WDHD1: variants seen among roughly 807,000 people sequenced by gnomAD.
WDHD1 encodes the protein WD repeat and HMG-box DNA-binding protein 1.
WDHD1 carries 111 observed loss-of-function variants against 135.4 expected under a neutral mutation model. The ratio of observed to expected loss-of-function variants is 0.82; its 90% CI spans 0.70 to 0.96. The LOEUF (loss-of-function observed/expected upper bound fraction) is 0.96. WDHD1 is among the 40% of genes least tolerant of loss of function. The pLI is 0.00. For missense variants in WDHD1, 1,351 were observed against 1,336.3 expected (o/e 1.01, Z -0.17); for synonymous variants, 434 against 439.0 (o/e 0.99, Z 0.14).
chr14:54,968,141 T>A (rs1390511363), intron 16 of WDHD1, among the ~76,000 whole-genome samples: 2 of 152,312 alleles, frequency 1.3e-5, no homozygotes, highest in South Asian at 2.1e-4. Flanking sequence ...AAATTTTTTT[T>A]AAATTGAAAT....
At chr14:54,967,477 G>T in intron 16 of WDHD1, 83 bp from the exon 17 acceptor site, 1 of 891,586 alleles carries the variant, frequency 1.1e-6, no homozygotes, top group Non-Finnish European at 1.7e-6. Flanking sequence ...TCAAAAGTTA[G>T]TAACTTAGAA....
chr14:54,998,872 G>A (rs1196896399), intron 10 of WDHD1, among the ~76,000 whole-genome samples: 1 of 150,710 alleles, frequency 6.6e-6, no homozygotes, highest in Admixed American at 6.6e-5. Context: ...AAAAATAATA[G>A]CCAACACTTA....
rs2041970160 is a variant in WDHD1 at position 55,000,908 on chromosome 14, C to T, written c.778G>A (p.Glu260Lys). 1.9e-6 allele frequency: 3 copies of T among 1,583,826 alleles called. No individual in the cohort carries two copies. The highest frequency in any genetic ancestry group is 3.6e-5 in the Admixed American group (2 of 56,110). ...TACCTTTCCATGCAGTCTTTGGTTT[C>T]CACATTCCAAACTATGATTAGACCA... ...INGLIIVWNV[E>K]TKDCMERVKH... is the part of the protein sequence containing the mutation. Residue 260 changes from glutamate to lysine, a missense_variant, in exon 9 of 26, where the codon GAA (glutamate) becomes AAA (lysine). Coordinates refer to ENST00000360586, the MANE Select transcript of WDHD1 (RefSeq NM_007086.4).
intron 21 of WDHD1, among the ~76,000 whole-genome samples, chr14:54,958,345 TTGA>T (rs2041195195): frequency 6.6e-6 from 1 of 152,166 alleles, no homozygotes; most frequent in African/African-American, 2.4e-5. Context: ...CAGGCTGGTC[TTGA>T]ACTCCTGACC....
At chr14:54,992,823 G>A (rs1307172020) in intron 11 of WDHD1, among the ~76,000 whole-genome samples, 7 of 152,098 alleles carry the variant, frequency 4.6e-5, no homozygotes, top group African/African-American at 1.7e-4. Flanking sequence ...CTGAGTGGGA[G>A]AACTGCTTAA....
At chr14:54,964,648 A>G (rs921224586) in intron 18 of WDHD1, among the ~76,000 whole-genome samples, 1 of 152,060 alleles carries the variant, frequency 6.6e-6, no homozygotes, top group East Asian at 1.9e-4. Flanking sequence ...CAAAAAAAAA[A>G]AAAGAAATAA....
At chr14:55,005,266 G>A (rs1368600142) in intron 7 of WDHD1, 7 of 540,800 alleles carry the variant, frequency 1.3e-5, no homozygotes, top group Admixed American at 9.7e-5. Context: ...TGGTAGGTAC[G>A]TTAACATAAG....
intron 7 of WDHD1, chr14:55,005,206 G>A: frequency 1.9e-6 from 1 of 540,484 alleles, no homozygotes; most frequent in Admixed American, 1.9e-5. Flanking sequence ...TGTTGCATGG[G>A]ATGGTAGTGT....
chr14:54,986,668 G>A (rs957318298), intron 14 of WDHD1, among the ~76,000 whole-genome samples: 1 of 152,182 alleles, frequency 6.6e-6, no homozygotes, highest in Admixed American at 6.5e-5. Flanking sequence ...GTCATGAGAA[G>A]AAGGTATTTT....
intron 16 of WDHD1, among the ~76,000 whole-genome samples, chr14:54,974,609 T>C (rs1390052217): frequency 2.0e-5 from 3 of 151,782 alleles, no homozygotes; most frequent in Non-Finnish European, 2.9e-5. Flanking sequence ...GCAGATCACC[T>C]GAGCTCTGGA....
At chr14:54,956,186 A>T (rs1316049322) in intron 23 of WDHD1, among the ~76,000 whole-genome samples, 1 of 152,208 alleles carries the variant, frequency 6.6e-6, no homozygotes, top group African/African-American at 2.4e-5. Context: ...AGGACTCAGA[A>T]CAAGGAAAAA....
intron 16 of WDHD1, among the ~76,000 whole-genome samples, chr14:54,974,481 CTGTTT>C (rs1381876899): frequency 7.4e-4 from 92 of 123,932 alleles, no homozygotes; most frequent in Non-Finnish European, 1.0e-3. Flanking sequence ...ACCACAAAAC[CTGTTT>C]TGTTTTGTTT....
chr14:54,943,099 G>A (rs1004357340), intron 25 of WDHD1, among the ~76,000 whole-genome samples: 8 of 152,114 alleles, frequency 5.3e-5, no homozygotes, highest in Non-Finnish European at 7.3e-5. Flanking sequence ...CCTGTGCTGC[G>A]CCCTGCCATT....
At chr14:55,021,840 C>T (rs2042353731) in intron 2 of WDHD1, among the ~76,000 whole-genome samples, 1 of 152,222 alleles carries the variant, frequency 6.6e-6, no homozygotes, top group Admixed American at 6.5e-5. Context: ...ACAGTTTTCT[C>T]CAGCAGGAAT....
intron 24 of WDHD1, among the ~76,000 whole-genome samples, chr14:54,948,228 G>C (rs1392568975): frequency 6.6e-6 from 1 of 152,038 alleles, no homozygotes; most frequent in South Asian, 2.1e-4. Flanking sequence ...GTGGCACACC[G>C]AGTGTGAGCT....
In WDHD1 at chr14:55,007,344, T is replaced by C. The variant is rs374032422; in HGVS notation, c.536A>G (p.Lys179Arg). Residue 179 changes from lysine (K) to arginine (R), a missense_variant, in exon 7 of 26, where the codon AAA becomes AGA. This residue lies in a region of WDHD1 where 1,330 missense variants were observed against 1,296.1 expected (regional missense o/e 1.03). Coordinates refer to ENST00000360586, the MANE Select transcript of WDHD1 (RefSeq NM_007086.4). The stretch of plus-strand genomic sequence containing the variant: ...TTTTGCATTTATCACATCGTTGCAT[T>C]TTTGTAGCAGTGGCCAACTAATAGC... ...TCAISWPLLQ[K>R]CNDVINAKSI... 297 of 1,605,732 alleles carry C rather than the reference T, an allele frequency of 1.8e-4. No homozygotes were observed. Among genetic ancestry groups the C allele is most frequent in the Non-Finnish European group, 2.4e-4 (285 of 1,177,558 alleles).
intron 24 of WDHD1, among the ~76,000 whole-genome samples, chr14:54,953,006 T>C (rs1023071258): frequency 2.0e-5 from 3 of 152,126 alleles, no homozygotes; most frequent in Admixed American, 1.3e-4. Flanking sequence ...ATGTTAGATC[T>C]AAAACCATAA....
At chr14:55,025,081 T>C (rs1295809992) in intron 2 of WDHD1, among the ~76,000 whole-genome samples, 1 of 96,836 alleles carries the variant, frequency 1.0e-5, no homozygotes, top group African/African-American at 3.4e-5. Context: ...AACCCGATTG[T>C]ATGCTCCATC....
In WDHD1 at chr14:55,000,644, C is replaced by T. The variant is rs769556220; in HGVS notation, c.801G>A (p.Arg267=). 1.3e-6 allele frequency: 2 copies of T among 1,533,216 alleles called. No individual in the cohort carries two copies. The highest frequency in any genetic ancestry group is 1.8e-6 in the Non-Finnish European group (2 of 1,140,848). The allele number at this position is 1,533,216 out of a possible 1,614,324, so 95.0% of individuals were successfully genotyped here. ...WNVETKDCME[R]VKHEKGYAIC... is the part of the protein sequence containing the mutation. ...TTGCATAACCTTTCTCATGTTTCACCCTAAAAATTAAAAAGTAGGTTCTAA... is the reference window on the plus strand; with the variant it reads ...TTGCATAACCTTTCTCATGTTTCACTCTAAAAATTAAAAAGTAGGTTCTAA... Residue 267 remains arginine (R), a splice_region_variant and synonymous_variant, in exon 10 of 26, where the codon AGG becomes AGA. Coordinates refer to ENST00000360586, the MANE Select transcript of WDHD1 (RefSeq NM_007086.4).
Sources: allele counts gnomAD v4.1 joint callset (sites outside exome capture counted in the v4.1 genomes callset), GRCh38; gene constraint gnomAD v4.1.1; regional missense constraint gnomAD v4.1.1; transcripts MANE v1.5; gene names NCBI Gene and HGNC (gene_info 2026-07-23, HGNC 2026-07-21).